The following ANKS1B variants were observed in gnomAD, a reference collection of about 807,000 sequenced individuals.
ANKS1B encodes ankyrin repeat and sterile alpha motif domain containing 1B, also known as ankyrin repeat and sterile alpha motif domain-containing protein 1B.
A neutral mutation model predicts 148.3 loss-of-function variants in ANKS1B; 36 were observed. That is an observed-to-expected ratio of 0.24 (90% CI 0.19 to 0.32). The LOEUF is 0.32. Among genes scored for constraint, ANKS1B ranks in the 10% least tolerant of loss-of-function variants. ANKS1B has a pLI of 1.00. For synonymous variants in ANKS1B, 542 were observed against 560.8 expected (o/e 0.97, Z 0.47); for missense variants, 1,157 against 1,542.6 (o/e 0.75, Z 4.19).
At chr12:99,106,506 C>CT (rs747569076) in intron 15 of ANKS1B, among the ~76,000 whole-genome samples, 7 of 152,182 alleles carry the variant, frequency 4.6e-5, no homozygotes, top group Non-Finnish European at 1.0e-4. Flanking sequence ...ACTCATACAA[C>CT]AGAAATAATA....
At chr12:99,866,339 G>A (rs2090755629) in intron 1 of ANKS1B, among the ~76,000 whole-genome samples, 1 of 152,088 alleles carries the variant, frequency 6.6e-6, no homozygotes, top group Non-Finnish European at 1.5e-5. Context: ...TATTACAGAA[G>A]TATCCAGCAT....
At chr12:99,471,414 T>C (rs1005088406) in intron 10 of ANKS1B, among the ~76,000 whole-genome samples, 40 of 152,114 alleles carry the variant, frequency 2.6e-4, no homozygotes, top group African/African-American at 9.4e-4. Flanking sequence ...AAAAGGCCTC[T>C]GAGCTCTTGA....
chr12:99,921,291 C>A (rs962909846), intron 1 of ANKS1B, among the ~76,000 whole-genome samples: 2 of 152,194 alleles, frequency 1.3e-5, no homozygotes, highest in Middle Eastern at 3.4e-3. Flanking sequence ...GGCTCTTCCC[C>A]CTTTGCTTTC....
chr12:98,922,005 T>A (rs2099802052), intron 17 of ANKS1B, among the ~76,000 whole-genome samples: 1 of 152,216 alleles, frequency 6.6e-6, no homozygotes, highest in South Asian at 2.1e-4. Context: ...CCTTGCAATT[T>A]TCATTACTTC....
intron 9 of ANKS1B, among the ~76,000 whole-genome samples, chr12:99,628,988 A>T (rs931807998): frequency 5.3e-5 from 8 of 152,136 alleles, no homozygotes; most frequent in Non-Finnish European, 1.2e-4. Flanking sequence ...TATTTTGTAG[A>T]CCTGAGGTCA....
chr12:99,578,930 A>G (rs1416858054), intron 9 of ANKS1B, among the ~76,000 whole-genome samples: 1 of 152,102 alleles, frequency 6.6e-6, no homozygotes, highest in East Asian at 1.9e-4. Context: ...AGTGACATAC[A>G]TTACCTGACT....
chr12:99,277,943 T>A (rs547655073), intron 12 of ANKS1B, among the ~76,000 whole-genome samples: 1 of 152,226 alleles, frequency 6.6e-6, no homozygotes, highest in Non-Finnish European at 1.5e-5. Context: ...TTGTGATCAT[T>A]CTCAGCAGAT....
chr12:98,865,303 G>C (rs550826085), intron 17 of ANKS1B, among the ~76,000 whole-genome samples: 1 of 152,270 alleles, frequency 6.6e-6, no homozygotes, highest in Non-Finnish European at 1.5e-5. Flanking sequence ...CTTAGTCCCT[G>C]TTGTGATAAA....
chr12:99,640,791 T>A (rs1300750135), intron 9 of ANKS1B, among the ~76,000 whole-genome samples: 1 of 152,136 alleles, frequency 6.6e-6, no homozygotes, highest in East Asian at 1.9e-4. Flanking sequence ...GTTGAATGAG[T>A]AATGAATGGA....
chr12:99,893,650 CT>C (rs1241603474), intron 1 of ANKS1B, among the ~76,000 whole-genome samples: 3 of 152,120 alleles, frequency 2.0e-5, no homozygotes, highest in Non-Finnish European at 2.9e-5. Flanking sequence ...TTTTGACAAA[CT>C]GTCTGTAAAA....
chr12:99,808,674 C>T (rs541221750), intron 3 of ANKS1B, among the ~76,000 whole-genome samples: 1 of 152,112 alleles, frequency 6.6e-6, no homozygotes, highest in Admixed American at 6.5e-5. Context: ...TTACTTCACA[C>T]CATGAAAACA....
rs530318276 is a variant in ANKS1B at position 99,008,146 on chromosome 12, T to C, written c.2778+45011A>G. Among the ~76,000 whole-genome samples, 48 of 152,284 alleles carry C rather than the reference T, an allele frequency of 3.2e-4. No individual in the cohort carries two copies. The East Asian group carries it at 4.6e-3, about 15-fold the overall frequency. ...TTTGTAATAAGATACTTAGCACCTG[T>C]TTCCCCTCGAGCTTTGGGCCTAGGT... On this transcript the variant is annotated intron_variant, in intron 17 of 26. Coordinates refer to ENST00000683438, the MANE Select transcript of ANKS1B (RefSeq NM_001352186.2).
intron 8 of ANKS1B, among the ~76,000 whole-genome samples, chr12:99,722,939 C>T (rs1362503262): frequency 6.6e-6 from 1 of 152,096 alleles, no homozygotes; most frequent in Non-Finnish European, 1.5e-5. Context: ...TGGGTCCCCA[C>T]CCCCCCGCCA....
chr12:99,752,639 T>C (rs1414916948), intron 8 of ANKS1B, among the ~76,000 whole-genome samples: 6 of 152,182 alleles, frequency 3.9e-5, no homozygotes, highest in Admixed American at 3.3e-4. Flanking sequence ...TTTTGTAGGA[T>C]ATTGATACTA....
chr12:98,763,769 CT>C (rs1299742296), intron 25 of ANKS1B, among the ~76,000 whole-genome samples: 1 of 152,024 alleles, frequency 6.6e-6, no homozygotes, highest in Admixed American at 6.6e-5. Flanking sequence ...TCATAAGTTC[CT>C]TTTTTGCGCA....
At chr12:99,410,915 A>G (rs1246718835) in intron 11 of ANKS1B, among the ~76,000 whole-genome samples, 1 of 152,224 alleles carries the variant, frequency 6.6e-6, no homozygotes, top group Admixed American at 6.5e-5. Flanking sequence ...AAACACTCAC[A>G]GGGTGAGGGC....
intron 8 of ANKS1B, among the ~76,000 whole-genome samples, chr12:99,750,976 C>T (rs1217301718): frequency 6.6e-6 from 1 of 151,928 alleles, no homozygotes; most frequent in East Asian, 1.9e-4. Flanking sequence ...AATATGTGAT[C>T]ATTGATATTC....
chr12:99,446,703 A>G (rs112361172), intron 10 of ANKS1B, among the ~76,000 whole-genome samples: 5 of 152,184 alleles, frequency 3.3e-5, no homozygotes, highest in African/African-American at 1.2e-4. Context: ...GTAGGAGCAC[A>G]CTCTACTTCA....
intron 8 of ANKS1B, among the ~76,000 whole-genome samples, chr12:99,674,428 G>A (rs763860282): frequency 8.6e-5 from 13 of 151,804 alleles, no homozygotes; most frequent in African/African-American, 2.2e-4. Context: ...TTTAAAAACC[G>A]CTATAAAATA....
Sources: gnomAD v4.1 joint callset for allele counts (sites outside exome capture counted in the v4.1 genomes callset) on GRCh38, gnomAD v4.1.1 for gene constraint, MANE v1.5 for transcripts, NCBI Gene and HGNC (gene_info 2026-07-23, HGNC 2026-07-21) for gene names.